Variants in EPB41 observed in about 807,000 individuals in gnomAD.
The protein encoded by EPB41 is protein 4.1.
EPB41 carries 65 observed loss-of-function variants against 108.0 expected under a neutral mutation model. The ratio of observed to expected loss-of-function variants is 0.60; its 90% confidence interval spans 0.49 to 0.74. The LOEUF is 0.74. Among genes scored for constraint, EPB41 ranks in the 30% least tolerant of loss-of-function variants. The probability of loss-of-function intolerance (pLI) is 0.00; values close to 1 mark genes in which losing one functional copy is unlikely to be tolerated. For synonymous variants in EPB41, 336 were observed against 358.9 expected (o/e 0.94, Z 0.72); for missense variants, 875 against 1,037.0 (o/e 0.84, Z 2.15).
At chr1:28,936,769 A>G (rs775329707) in intron 1 of EPB41, among the ~76,000 whole-genome samples, 108 of 152,238 alleles carry the variant, frequency 7.1e-4, no homozygotes, top group Non-Finnish European at 1.4e-3. Context: ...AGTATCACAC[A>G]AAAATATTCT....
intron 1 of EPB41, among the ~76,000 whole-genome samples, chr1:28,957,695 A>T (rs1042501848): frequency 8.5e-5 from 13 of 152,078 alleles, no homozygotes; most frequent in Non-Finnish European, 1.6e-4. Flanking sequence ...GTGAGCCACC[A>T]TGCCCCTCCA....
At chr1:29,040,282 A>AT (rs1640986759) in intron 11 of EPB41, among the ~76,000 whole-genome samples, 3 of 150,570 alleles carry the variant, frequency 2.0e-5, no homozygotes, top group South Asian at 4.2e-4. Context: ...TTTTTTTCTT[A>AT]ATTTTTTTAT....
chr1:29,050,477 G>A (rs912138385), intron 11 of EPB41, among the ~76,000 whole-genome samples: 2 of 152,194 alleles, frequency 1.3e-5, no homozygotes, highest in Admixed American at 6.5e-5. Context: ...CATGTATAAT[G>A]ATACTTAAAC....
intron 1 of EPB41, among the ~76,000 whole-genome samples, chr1:28,892,444 A>G (rs1056010025): frequency 6.6e-6 from 1 of 152,120 alleles, no homozygotes; most frequent in African/African-American, 2.4e-5. Flanking sequence ...AAACGAGGCC[A>G]GGCGTGGTGG....
At chr1:28,982,379 T>A in intron 1 of EPB41, 1 of 720,952 alleles carries the variant, frequency 1.4e-6, no homozygotes, top group South Asian at 1.4e-5. Flanking sequence ...ATTAGGTGAT[T>A]GTAGTTACAA....
At position 29,113,287 on chromosome 1, in the gene EPB41, C is replaced by T. The variant is rs141766813; in HGVS notation, c.2496+839C>T. On this transcript the variant is annotated intron_variant, in intron 19 of 20. Transcript: ENST00000343067. ...GATTGCATGCAAATGCTTCTGGAAT[C>T]GTTGACTGGGTTGCTGGAGCAATAA... Among the ~76,000 whole-genome samples the T allele has an allele frequency of 2.6e-3, 390 of 152,314 alleles. 4 individuals are homozygous for T. The highest frequency in any genetic ancestry group is 8.9e-3 in the African/African-American group (368 of 41,568).
At chr1:29,042,887 G>A (rs1642046872) in intron 11 of EPB41, among the ~76,000 whole-genome samples, 2 of 151,990 alleles carry the variant, frequency 1.3e-5, no homozygotes, top group South Asian at 4.1e-4. Flanking sequence ...AACTAGGCTT[G>A]GAGATTAAAA....
At chr1:29,014,799 G>GT (rs1273637736) in intron 5 of EPB41, among the ~76,000 whole-genome samples, 1 of 151,704 alleles carries the variant, frequency 6.6e-6, no homozygotes, top group African/African-American at 2.4e-5. Context: ...AATCTTTTTT[G>GT]TTTAACATAA....
chr1:29,022,360 C>T (rs547152446), intron 7 of EPB41, among the ~76,000 whole-genome samples: 1 of 140,786 alleles, frequency 7.1e-6, no homozygotes, highest in Admixed American at 7.2e-5. Flanking sequence ...TAAGAAACTG[C>T]CATTGATATA....
intron 1 of EPB41, among the ~76,000 whole-genome samples, chr1:28,972,323 C>A (rs1463684585): frequency 6.6e-6 from 1 of 152,076 alleles, no homozygotes; most frequent in Non-Finnish European, 1.5e-5. Context: ...AATCATTGAT[C>A]CAGTAGTGTA....
chr1:29,098,416 T>G (rs1420003063), intron 17 of EPB41, among the ~76,000 whole-genome samples: 1 of 152,214 alleles, frequency 6.6e-6, no homozygotes, highest in Non-Finnish European at 1.5e-5. Context: ...AGGATGGTCT[T>G]GATCCGCTGA....
chr1:28,913,342 G>A (rs460921), upstream of EPB41, among the ~76,000 whole-genome samples: 25,982 of 152,056 alleles, frequency 0.17, 2,763 homozygotes, highest in East Asian at 0.47. Context: ...GGAGGCTGAG[G>A]CAGGAGAATC....
intron 1 of EPB41, among the ~76,000 whole-genome samples, chr1:28,940,805 A>G (rs1319334737): frequency 6.6e-6 from 1 of 152,226 alleles, no homozygotes; most frequent in Non-Finnish European, 1.5e-5. Context: ...TTGTGTGACC[A>G]AAAGAAAATG....
rs192812748 is a variant in EPB41 at position 28,960,771 on chromosome 1, G to A, written c.-7-26660G>A. Among the ~76,000 whole-genome samples, 534 of 151,472 alleles carry A rather than the reference G, an allele frequency of 3.5e-3. 1 individual carries two copies. Among genetic ancestry groups the A allele is most frequent in the African/African-American group, 9.0e-3 (372 of 41,282 alleles). ...GGCCAGGCCAGGCGCAATGGCTCAC[G>A]CCTGTAATCCTAACACTTTGGGAGG... On this transcript the variant is annotated intron_variant, in intron 1 of 20. Transcript: ENST00000343067.
At chr1:29,069,522 A>C in intron 16 of EPB41, 1 of 996,282 alleles carries the variant, frequency 1.0e-6, no homozygotes, top group African/African-American at 1.7e-5. Context: ...GCAATCTTTA[A>C]AATGTATAAG....
At chr1:28,895,592 C>G (rs901776810) in intron 1 of EPB41, among the ~76,000 whole-genome samples, 2 of 152,092 alleles carry the variant, frequency 1.3e-5, no homozygotes, top group Admixed American at 6.6e-5. Flanking sequence ...TGGGTTCAAG[C>G]AATTCTCCTG....
intron 1 of EPB41, among the ~76,000 whole-genome samples, chr1:28,889,129 C>G (rs1016180021): frequency 6.6e-6 from 1 of 152,192 alleles, no homozygotes; most frequent in African/African-American, 2.4e-5. Flanking sequence ...GTCACTTCAC[C>G]TCTCTGAGTC....
chr1:29,003,593 A>G (rs1372476362), intron 4 of EPB41, among the ~76,000 whole-genome samples: 2 of 152,098 alleles, frequency 1.3e-5, no homozygotes, highest in Non-Finnish European at 2.9e-5. Flanking sequence ...TTGTATATGT[A>G]AAGATTTGTC....
intron 16 of EPB41, among the ~76,000 whole-genome samples, chr1:29,085,253 A>G (rs1329694019): frequency 1.4e-5 from 2 of 146,280 alleles, no homozygotes; most frequent in Non-Finnish European, 3.0e-5. Context: ...AGTGATTCTC[A>G]TGCCTCAGCC....
Sources: allele counts gnomAD v4.1 joint callset (sites outside exome capture counted in the v4.1 genomes callset), GRCh38; gene constraint gnomAD v4.1.1; transcripts MANE v1.5; gene names NCBI Gene and HGNC (gene_info 2026-07-23, HGNC 2026-07-21).